Variants in MTX2 observed in about 807,000 individuals in gnomAD.
The protein encoded by MTX2 is metaxin 2, also known as metaxin-2.
Under a neutral mutation model 42.3 loss-of-function variants are expected in MTX2, and 35 were observed. The ratio of observed to expected loss-of-function variants is 0.83; its 90% confidence interval spans 0.63 to 1.10. The LOEUF is 1.10. MTX2 is among the 50% of genes least tolerant of loss of function. MTX2 has a pLI of 0.00. For synonymous variants in MTX2, 119 were observed against 100.9 expected (o/e 1.18, Z -1.08); for missense variants, 307 against 304.1 (o/e 1.01, Z -0.07).
chr2:176,335,676 GC>G (rs1353084149), intron 9 of MTX2, among the ~76,000 whole-genome samples: 1 of 152,068 alleles, frequency 6.6e-6, no homozygotes, highest in African/African-American at 2.4e-5. Context: ...CTCAAGAGTA[GC>G]CCCTAAATTT....
chr2:176,321,294 A>C (rs1431493503), intron 3 of MTX2, among the ~76,000 whole-genome samples: 1 of 152,132 alleles, frequency 6.6e-6, no homozygotes, highest in Non-Finnish European at 1.5e-5. Flanking sequence ...CAGGAAGCTC[A>C]CTATTATTGC....
intron 3 of MTX2, among the ~76,000 whole-genome samples, chr2:176,309,231 AT>A (rs1684231689): frequency 6.6e-6 from 1 of 152,088 alleles, no homozygotes; most frequent in African/African-American, 2.4e-5. Flanking sequence ...CTGAGTTCTA[AT>A]TTGATTGCAC....
At position 176,297,906 on chromosome 2, in the gene MTX2, A is replaced by G. The variant is rs1477363736; in HGVS notation, c.135+11A>G. On this transcript the variant is annotated intron_variant, in intron 3 of 9. Coordinates refer to ENST00000249442, the MANE Select transcript of MTX2 (RefSeq NM_006554.5). ...TCTCTTGCAGTGCAGGTAAATATGT[A>G]AATAATGTAATATCTTTTTCACCCC... 4 of 1,543,332 alleles carry G rather than the reference A, an allele frequency of 2.6e-6. No individual in the cohort carries two copies. The South Asian group carries it at 3.8e-5, about 15-fold the overall frequency.
In MTX2 at chr2:176,327,006, C is replaced by T. The variant is rs1189482529; in HGVS notation, c.285+105C>T. On this transcript the variant is annotated intron_variant, in intron 5 of 9. Coordinates refer to ENST00000249442, the MANE Select transcript of MTX2 (RefSeq NM_006554.5). Reference sequence around the variant, plus strand: ...ATTTCAACCTAGTTTTATAAAATGCCAATGCAAACTACTGGAAAATATTTC... The same window carrying T: ...ATTTCAACCTAGTTTTATAAAATGCTAATGCAAACTACTGGAAAATATTTC... 5.0e-6 allele frequency: 3 copies of T among 598,564 alleles called. No individual in the cohort carries two copies. The East Asian group carries it at 9.9e-5, about 20-fold the overall frequency. The allele number at this position is 598,564 out of a possible 1,614,324, so 37.1% of individuals were successfully genotyped here.
intron 3 of MTX2, among the ~76,000 whole-genome samples, chr2:176,310,895 T>C (rs1684287411): frequency 6.6e-6 from 1 of 152,230 alleles, no homozygotes. Context: ...TGAAGCCTAC[T>C]TCTGTCAACT....
chr2:176,289,407 TTTTG>T (rs1693277920), intron 1 of MTX2, among the ~76,000 whole-genome samples: 1 of 152,068 alleles, frequency 6.6e-6, no homozygotes, highest in South Asian at 2.1e-4. Context: ...GCAGCATCTC[TTTTG>T]CTCCTGGTAA....
rs1475246052 is a variant in MTX2 at position 176,327,568 on chromosome 2, TA to T, written c.285+668del. The stretch of plus-strand genomic sequence containing the variant: ...TATATATATATCTCCAAAATATATA[TA>T]TATATTATTTTTTTTTTCTTCAACA... On this transcript the variant is annotated intron_variant, in intron 5 of 9. Transcript: ENST00000249442. 8.9e-5 allele frequency among the ~76,000 whole-genome samples: 12 copies of T among 135,228 alleles called. No homozygotes were observed. In the South Asian group the frequency reaches 2.1e-3, roughly 23 times the overall value. The allele number at this position is 135,228 out of a possible 152,430, so 88.7% of individuals were successfully genotyped here. A position where few individuals can be genotyped will look rare whatever the true frequency, so the allele number is the denominator to read the frequency against.
In MTX2 at chr2:176,273,280, A is replaced by G. The variant is rs958574194; in HGVS notation, c.40+3611A>G. On this transcript the variant is annotated intron_variant, in intron 1 of 9. Transcript: ENST00000249442. The stretch of plus-strand genomic sequence containing the variant: ...GAGTTGTGAAGGGGATATTCAGACT[A>G]TAGCAGTGGTTAAAGTAATAATTTA... Among the ~76,000 whole-genome samples the G allele has an allele frequency of 6.6e-5, 10 of 152,208 alleles. No homozygotes were observed. The East Asian group carries it at 9.6e-4, about 15-fold the overall frequency.
chr2:176,336,837 A>G (rs1035708595), intron 9 of MTX2, among the ~76,000 whole-genome samples: 1 of 152,152 alleles, frequency 6.6e-6, no homozygotes, highest in African/African-American at 2.4e-5. Flanking sequence ...AAGTTGATGA[A>G]TAAAATGATT....
intron 3 of MTX2, among the ~76,000 whole-genome samples, chr2:176,301,358 C>T (rs1406074530): frequency 6.6e-6 from 1 of 152,100 alleles, no homozygotes; most frequent in Non-Finnish European, 1.5e-5. Context: ...CAGAAAACAA[C>T]AACGACATTG....
chr2:176,270,229 G>A (rs1475088288), intron 1 of MTX2: 7 of 466,282 alleles, frequency 1.5e-5, no homozygotes, highest in African/African-American at 1.4e-4. Flanking sequence ...GGAGTGCAGT[G>A]GCACAACCTG....
chr2:176,274,400 A>C lies in MTX2; in HGVS notation c.40+4731A>C, dbSNP rs113999948. 6.3e-3 allele frequency among the ~76,000 whole-genome samples: 954 copies of C among 152,324 alleles called. 12 individuals carry two copies. Among genetic ancestry groups the C allele is most frequent in the African/African-American group, 0.022 (897 of 41,568 alleles). ...ATGTCTGTGAATGGAATTACACATC[A>C]TCATTTTAAAATGGTTATGTAGTAT... On this transcript the variant is annotated intron_variant, in intron 1 of 9. Transcript: ENST00000249442.
Position 176,269,517 on chromosome 2 carries a change from T to G in MTX2, c.-113T>G. On this transcript the variant is annotated 5_prime_UTR_variant, in exon 1 of 10. Coordinates refer to ENST00000249442, the MANE Select transcript of MTX2 (RefSeq NM_006554.5). The stretch of plus-strand genomic sequence containing the variant: ...CTGCTGTTGGAGTGGGCTTTGCGAG[T>G]CTGAACGTTGGCGGGGCTAGGCTCG... 1 of 1,220,520 alleles carries G rather than the reference T, an allele frequency of 8.2e-7. No homozygotes were observed. The highest frequency in any genetic ancestry group is 1.1e-6 in the Non-Finnish European group (1 of 900,504). 75.6% of individuals were successfully genotyped at this position (1,220,520 alleles called of 1,614,324 possible).
intron 2 of MTX2, among the ~76,000 whole-genome samples, chr2:176,297,387 T>TA (rs1220661106): frequency 1.3e-5 from 2 of 152,220 alleles, no homozygotes; most frequent in Admixed American, 1.3e-4. Context: ...TGAAGACTAA[T>TA]AGGCAGCAGC....
At chr2:176,313,980 G>A (rs1684378481) in intron 3 of MTX2, among the ~76,000 whole-genome samples, 1 of 151,944 alleles carries the variant, frequency 6.6e-6, no homozygotes, top group Non-Finnish European at 1.5e-5. Context: ...TAGCCACCAA[G>A]GCTGACTATT....
intron 3 of MTX2, among the ~76,000 whole-genome samples, chr2:176,313,388 C>CT (rs1207416607): frequency 0.16 from 16,570 of 103,502 alleles, 1,891 homozygotes; most frequent in African/African-American, 0.25. Context: ...TACACTGATT[C>CT]TTTTTTTTTT....
intron 3 of MTX2, among the ~76,000 whole-genome samples, chr2:176,308,333 T>C (rs1206190446): frequency 6.6e-6 from 1 of 152,216 alleles, no homozygotes; most frequent in East Asian, 1.9e-4. Context: ...TTCGCATTGA[T>C]GTTCATCAGT....
intron 3 of MTX2, among the ~76,000 whole-genome samples, chr2:176,311,296 A>G (rs1684297722): frequency 6.6e-6 from 1 of 151,920 alleles, no homozygotes; most frequent in Non-Finnish European, 1.5e-5. Context: ...GGAGCACCGA[A>G]CTATGTGAGG....
intron 1 of MTX2, chr2:176,270,103 A>T (rs1692764098): frequency 3.3e-6 from 1 of 301,668 alleles, no homozygotes; most frequent in Admixed American, 4.6e-5. Context: ...TTGTTGAGGG[A>T]ACACCAGACT....
Sources: gnomAD v4.1 joint callset for allele counts (sites outside exome capture counted in the v4.1 genomes callset) on GRCh38, gnomAD v4.1.1 for gene constraint, MANE v1.5 for transcripts, NCBI Gene and HGNC (gene_info 2026-07-23, HGNC 2026-07-21) for gene names.